USP40: variants seen among roughly 807,000 people sequenced by gnomAD.
USP40 encodes ubiquitin carboxyl-terminal hydrolase 40.
USP40 carries 143 observed loss-of-function variants against 166.2 expected under a neutral mutation model. The observed-to-expected ratio is 0.86, with a 90% CI of 0.75 to 0.99. The LOEUF is 0.99. Ranked by LOEUF, USP40 falls within the 50% of genes least tolerant of loss-of-function variation. The pLI is 0.00. For synonymous variants in USP40, 498 were observed against 524.0 expected (o/e 0.95, Z 0.68); for missense variants, 1,444 against 1,479.7 (o/e 0.98, Z 0.40).
intron 27 of USP40, among the ~76,000 whole-genome samples, chr2:233,488,901 T>C (rs2065124577): frequency 6.6e-6 from 1 of 151,568 alleles, no homozygotes; most frequent in Non-Finnish European, 1.5e-5. Context: ...AGCCAGACCC[T>C]GTCTATTAAG....
chr2:233,485,532 T>C lies in USP40; in HGVS notation c.3503A>G (p.Lys1168Arg), dbSNP rs748807382. ...YLKDGDTIGV[K>R]NLLIDDDDDF... is the part of the protein sequence containing the mutation. ...TAAATTTGCTGTTAAACAACTTACC[T>C]TAACACCAATAGTATCTCCGTCTTT... The change falls in exon 30 of 32, where the codon AAG becomes AGG. Residue 1168 changes from lysine to arginine, a missense_variant and splice_region_variant. Lys to Arg is a conservative substitution (Grantham distance 26). Transcript: ENST00000678225. 2 of 1,613,380 alleles carry C rather than the reference T, an allele frequency of 1.2e-6. No individual in the cohort carries two copies. Among genetic ancestry groups the C allele is most frequent in the African/African-American group, 2.7e-5 (2 of 75,022 alleles).
In USP40 at chr2:233,562,962, C is replaced by T. The variant is rs79791943; in HGVS notation, c.200-159G>A. 1.9e-3 allele frequency among the ~76,000 whole-genome samples: 283 copies of T among 152,258 alleles called. 4 individuals carry two copies. The highest frequency in any genetic ancestry group is 6.4e-3 in the African/African-American group (267 of 41,550). Reference sequence around the variant, plus strand: ...CTCTATACACTTTACTTTCTTGTAACATTTTTAACCAGTGACTCTAAGAAA... The same window carrying T: ...CTCTATACACTTTACTTTCTTGTAATATTTTTAACCAGTGACTCTAAGAAA... On this transcript the variant is annotated intron_variant, in intron 2 of 31. Coordinates refer to ENST00000678225, the MANE Select transcript of USP40 (RefSeq NM_001365479.2).
At chr2:233,557,557 T>C (rs1457133779) in intron 4 of USP40, among the ~76,000 whole-genome samples, 1 of 152,210 alleles carries the variant, frequency 6.6e-6, no homozygotes, top group Non-Finnish European at 1.5e-5. Flanking sequence ...TGTGTGAACT[T>C]GTGCTTAAGA....
Position 233,542,282 on chromosome 2 carries a change from C to T in USP40, c.1048G>A (p.Ala350Thr). 1 of 1,544,036 alleles carries T rather than the reference C, an allele frequency of 6.5e-7. No individual in the cohort carries two copies. The change falls in exon 9 of 32, where the codon GCA becomes ACA. Residue 350 changes from alanine (A) to threonine (T), a missense_variant. Coordinates refer to ENST00000678225, the MANE Select transcript of USP40 (RefSeq NM_001365479.2). ...EIDHPLMILK[A>T]ILLEEENNLI... The stretch of plus-strand genomic sequence containing the variant: ...ACATACTATACCTCTAATAAGATTG[C>T]TTTTAGAATCATCAGTGGATGATCA...
intron 26 of USP40, among the ~76,000 whole-genome samples, chr2:233,490,527 C>T (rs1052766304): frequency 1.3e-5 from 2 of 152,120 alleles, no homozygotes; most frequent in Non-Finnish European, 2.9e-5. Flanking sequence ...GCACAAAAGC[C>T]AAACATCAAC....
At chr2:233,529,151 C>T (rs1434281645) in intron 12 of USP40, among the ~76,000 whole-genome samples, 2 of 152,184 alleles carry the variant, frequency 1.3e-5, no homozygotes, top group African/African-American at 4.8e-5. Flanking sequence ...TTCATTCAGC[C>T]CAACTATGTG....
chr2:233,547,415 C>G (rs191241222), intron 8 of USP40, among the ~76,000 whole-genome samples: 3 of 152,076 alleles, frequency 2.0e-5, no homozygotes. Flanking sequence ...GAAATACAGA[C>G]GAACACTTTG....
chr2:233,512,539 C>A, intron 19 of USP40, 30 bp downstream of exon 19: 1 of 1,528,490 alleles, frequency 6.5e-7, no homozygotes, highest in Non-Finnish European at 8.8e-7. Flanking sequence ...GAGTATAAGC[C>A]ACCTTTTGAA....
intron 1 of USP40, 48 bp from the exon 2 acceptor site, chr2:233,565,621 C>A: frequency 6.9e-7 from 1 of 1,440,798 alleles, no homozygotes; most frequent in Non-Finnish European, 9.3e-7. Flanking sequence ...AATAAATTTT[C>A]CCCAAATCCC....
At chr2:233,488,396 C>G in intron 27 of USP40, 92 bp from the exon 28 acceptor site, 1 of 1,246,012 alleles carries the variant, frequency 8.0e-7, no homozygotes, top group Non-Finnish European at 1.1e-6. Flanking sequence ...TTTTCTTAAG[C>G]AAAGAATTGT....
At chr2:233,478,909 A>C (rs1258598877) in intron 31 of USP40, among the ~76,000 whole-genome samples, 1 of 152,196 alleles carries the variant, frequency 6.6e-6, no homozygotes, top group Non-Finnish European at 1.5e-5. Flanking sequence ...GAGGCTGTGT[A>C]CCTGGGGAGG....
At chr2:233,519,592 A>C (rs748920091) in intron 18 of USP40, 22 bp downstream of exon 18, 1 of 1,415,704 alleles carries the variant, frequency 7.1e-7, no homozygotes, top group South Asian at 1.3e-5. Context: ...CTAAGAACCG[A>C]AAAGAAAATG....
At chr2:233,524,627 A>G (rs746796389) in intron 14 of USP40, 65 bp from the exon 15 acceptor site, 4 of 1,275,098 alleles carry the variant, frequency 3.1e-6, no homozygotes, top group Non-Finnish European at 4.3e-6. Context: ...CTAAAGAAAG[A>G]GCTGAGACAA....
At chr2:233,548,973 C>T (rs1575332171) in intron 8 of USP40, 128 bp downstream of exon 8, 1 of 825,222 alleles carries the variant, frequency 1.2e-6, no homozygotes, top group Non-Finnish European at 1.8e-6. Flanking sequence ...TCTGTATTAA[C>T]TTTCAGTGCC....
intron 21 of USP40, among the ~76,000 whole-genome samples, chr2:233,506,496 A>G (rs889534527): frequency 6.6e-6 from 1 of 152,206 alleles, no homozygotes; most frequent in Non-Finnish European, 1.5e-5. Flanking sequence ...AAAAGAACAT[A>G]GACAAATGGG....
At chr2:233,479,810 C>T (rs560467503) in intron 31 of USP40, among the ~76,000 whole-genome samples, 4 of 152,012 alleles carry the variant, frequency 2.6e-5, no homozygotes, top group Non-Finnish European at 4.4e-5. Context: ...CTGGGGCTCC[C>T]GGGGCCCTTA....
intron 23 of USP40, 133 bp from the exon 24 acceptor site, chr2:233,496,965 G>T: frequency 1.6e-6 from 1 of 615,142 alleles, no homozygotes; most frequent in Non-Finnish European, 2.8e-6. Context: ...GGAAGACACA[G>T]GAAATAAGCT....
At chr2:233,505,781 T>C (rs1009998436) in intron 21 of USP40, among the ~76,000 whole-genome samples, 3 of 152,050 alleles carry the variant, frequency 2.0e-5, no homozygotes, top group African/African-American at 4.8e-5. Context: ...CTCCAGAAAA[T>C]TGAAAAGTTG....
rs982000321 is a variant in USP40 at position 233,475,860 on chromosome 2, G to A, written c.*1532C>T. On this transcript the variant is annotated 3_prime_UTR_variant, in exon 32 of 32. Coordinates refer to ENST00000678225, the MANE Select transcript of USP40 (RefSeq NM_001365479.2). ...GAAACAGAACAGCTTAAGAAGGGCT[G>A]GGCGCCCAGCTCGTCACGACACTTA... 6.6e-6 allele frequency: 1 copy of A among 152,530 alleles called. No homozygotes were observed. The highest frequency in any genetic ancestry group is 1.5e-5 in the Non-Finnish European group (1 of 68,066). 9.4% of individuals were successfully genotyped at this position (152,530 alleles called of 1,614,324 possible).
Sources: allele counts gnomAD v4.1 joint callset (sites outside exome capture counted in the v4.1 genomes callset), GRCh38; gene constraint gnomAD v4.1.1; transcripts MANE v1.5; gene names NCBI Gene and HGNC (gene_info 2026-07-23, HGNC 2026-07-21).